Variants in RBBP8 observed in about 807,000 individuals in gnomAD.
The protein encoded by RBBP8 is DNA endonuclease RBBP8.
In RBBP8, 88 loss-of-function variants were observed where a neutral mutation model predicts 108.3. The observed-to-expected ratio is 0.81, with a 90% confidence interval of 0.68 to 0.97. The LOEUF (loss-of-function observed/expected upper bound fraction) is 0.97, where lower values mean the gene tolerates loss of function less well. Ranked by LOEUF, RBBP8 falls within the 50% of genes least tolerant of loss-of-function variation. The probability of loss-of-function intolerance (pLI) is 0.00; values close to 1 mark genes in which losing one functional copy is unlikely to be tolerated. For synonymous variants in RBBP8, 332 were observed against 348.2 expected (o/e 0.95, Z 0.52); for missense variants, 1,023 against 1,049.0 (o/e 0.98, Z 0.34).
At chr18:22,942,642 A>C (rs1289103727) in intron 2 of RBBP8, among the ~76,000 whole-genome samples, 2 of 152,086 alleles carry the variant, frequency 1.3e-5, no homozygotes, top group African/African-American at 4.8e-5. Context: ...ACAGATTGTT[A>C]CTGATGATAT....
chr18:23,006,509 C>CA lies in RBBP8; in HGVS notation c.2357+77_2357+78insA, dbSNP rs2046051422. 4 of 1,266,776 alleles carry CA rather than the reference C, an allele frequency of 3.2e-6. No homozygotes were observed. In the East Asian group the frequency reaches 9.8e-5, roughly 31 times the overall value. 78.5% of individuals were successfully genotyped at this position (1,266,776 alleles called of 1,614,324 possible). On this transcript the variant is annotated intron_variant, in intron 16 of 18. Coordinates refer to ENST00000327155, the MANE Select transcript of RBBP8 (RefSeq NM_002894.3). ...TGTCTTTTATTTCTCTCTCTTTTTTCTTTTTTTTTAAAGACAGAGTCTTGC... is the reference window on the plus strand; with the variant it reads ...TGTCTTTTATTTCTCTCTCTTTTTTCATTTTTTTTTAAAGACAGAGTCTTGC...
At chr18:22,986,475 A>G (rs868233520) in intron 8 of RBBP8, among the ~76,000 whole-genome samples, 1 of 152,212 alleles carries the variant, frequency 6.6e-6, no homozygotes, top group Middle Eastern at 3.2e-3. Context: ...GCACACACAA[A>G]CAAGTACTCC....
chr18:22,998,238 A>G (rs2045892710), intron 14 of RBBP8, among the ~76,000 whole-genome samples: 2 of 152,236 alleles, frequency 1.3e-5, no homozygotes, highest in South Asian at 4.1e-4. Context: ...AAGAAATTTG[A>G]TAAGGAAAGA....
chr18:22,929,507 T>TTTAAGAGACAGGCGG (rs1909928380), upstream of RBBP8: 2 of 61,972 alleles, frequency 3.2e-5, no homozygotes, highest in East Asian at 1.1e-3. Flanking sequence ...TGTGTGTGTG[T>TTTAAGAGACAGGCGG]GTGAAGAGAC....
At chr18:22,991,144 T>C (rs1371173986) in intron 10 of RBBP8, 95 bp downstream of exon 10, 1 of 873,928 alleles carries the variant, frequency 1.1e-6, no homozygotes, top group Non-Finnish European at 1.8e-6. Flanking sequence ...TCCTTCAACA[T>C]ATAGTTTGTT....
intron 3 of RBBP8, among the ~76,000 whole-genome samples, chr18:22,946,743 C>T (rs776117920): frequency 6.6e-6 from 1 of 151,762 alleles, no homozygotes; most frequent in Non-Finnish European, 1.5e-5. Context: ...ATACAACTTA[C>T]ATATGTAATC....
At chr18:22,991,955 AT>A (rs575440531) in intron 10 of RBBP8, among the ~76,000 whole-genome samples, 81 of 152,300 alleles carry the variant, frequency 5.3e-4, no homozygotes, top group African/African-American at 1.8e-3. Context: ...TATTTTACAG[AT>A]TACAAAAATA....
chr18:22,939,937 A>C (rs1292571509), intron 2 of RBBP8, among the ~76,000 whole-genome samples: 1 of 152,146 alleles, frequency 6.6e-6, no homozygotes, highest in African/African-American at 2.4e-5. Flanking sequence ...GAATTTTCTG[A>C]GTAGAGAGAA....
chr18:22,920,573 T>C (rs1415552434), intron 3 of RBBP8, among the ~76,000 whole-genome samples: 1 of 152,182 alleles, frequency 6.6e-6, no homozygotes, highest in African/African-American at 2.4e-5. Flanking sequence ...ATGATTCAGA[T>C]TAGGAGTGAG....
intron 3 of RBBP8, among the ~76,000 whole-genome samples, chr18:22,921,395 T>TA (rs1909588167): frequency 6.6e-6 from 1 of 152,224 alleles, no homozygotes; most frequent in Admixed American, 6.5e-5. Context: ...CATGGGTTGC[T>TA]AATTTCTTAC....
At chr18:22,991,727 T>C (rs959305948) in intron 10 of RBBP8, among the ~76,000 whole-genome samples, 2 of 152,212 alleles carry the variant, frequency 1.3e-5, no homozygotes, top group Non-Finnish European at 2.9e-5. Context: ...AAATTTGGAT[T>C]TTTTACCCAA....
chr18:22,972,006 C>T (rs1312706414), intron 5 of RBBP8, among the ~76,000 whole-genome samples: 1 of 151,658 alleles, frequency 6.6e-6, no homozygotes, highest in Non-Finnish European at 1.5e-5. Context: ...GGGGAACATA[C>T]ATTTAAATCA....
At chr18:22,968,955 TA>T in intron 5 of RBBP8, 37 bp downstream of exon 5, 1 of 1,464,098 alleles carries the variant, frequency 6.8e-7, no homozygotes, top group Non-Finnish European at 9.5e-7. Context: ...TTAAAGTATG[TA>T]ATGTATTATT....
intron 15 of RBBP8, among the ~76,000 whole-genome samples, chr18:23,005,092 G>A (rs535124325): frequency 1.3e-5 from 2 of 152,288 alleles, no homozygotes; most frequent in South Asian, 4.1e-4. Flanking sequence ...GAACCTGGGA[G>A]GCAGAAGTTG....
rs754591781 is a variant in RBBP8, at chr18:22,949,665, G to A, written c.200G>A (p.Arg67Lys). 6.2e-7 allele frequency: 1 copy of A among 1,613,554 alleles called. No individual in the cohort carries two copies. Among genetic ancestry groups the A allele is most frequent in the South Asian group, 1.1e-5 (1 of 91,070 alleles). The change falls in exon 4 of 19, where the codon AGG (arginine) becomes AAG (lysine). Residue 67 changes from arginine to lysine, a missense_variant. Transcript: ENST00000327155. Reference protein sequence around the residue: ...EEFFTKNQQLREQQKVLHETI... With the variant: ...EEFFTKNQQLKEQQKVLHETI... The stretch of plus-strand genomic sequence containing the variant: ...TTCTTCACCAAAAATCAACAGCTGA[G>A]GGAACAGCAGAAAGTCCTTCATGAA...
At chr18:22,958,341 GT>G (rs1192606990) in intron 4 of RBBP8, among the ~76,000 whole-genome samples, 1 of 152,172 alleles carries the variant, frequency 6.6e-6, no homozygotes, top group Non-Finnish European at 1.5e-5. Flanking sequence ...TGTTTCTAAT[GT>G]CCAGATGAAA....
At chr18:22,951,509 C>T (rs1366908412) in intron 4 of RBBP8, among the ~76,000 whole-genome samples, 1 of 152,220 alleles carries the variant, frequency 6.6e-6, no homozygotes, top group Non-Finnish European at 1.5e-5. Flanking sequence ...ACTCGTACAA[C>T]ATGCTTCAGA....
upstream of RBBP8, among the ~76,000 whole-genome samples, chr18:22,930,310 T>C (rs565927197): frequency 6.0e-4 from 91 of 152,302 alleles, no homozygotes; most frequent in African/African-American, 2.2e-3. Flanking sequence ...AGGTGACTAG[T>C]CTCAACTTCT....
chr18:22,963,653 A>C (rs1913310444), intron 4 of RBBP8, among the ~76,000 whole-genome samples: 2 of 152,162 alleles, frequency 1.3e-5, no homozygotes, highest in South Asian at 4.1e-4. Context: ...TTTTTCATAT[A>C]TCTAGGACTT....
Sources: gnomAD v4.1 joint callset for allele counts (sites outside exome capture counted in the v4.1 genomes callset) on GRCh38, gnomAD v4.1.1 for gene constraint, MANE v1.5 for transcripts, NCBI Gene and HGNC (gene_info 2026-07-23, HGNC 2026-07-21) for gene names.